The following HMG20B variants were observed in gnomAD, a reference collection of about 807,000 sequenced individuals.
HMG20B encodes the protein SWI/SNF-related matrix-associated actin-dependent regulator of chromatin subfamily E member 1-related.
Under a neutral mutation model 41.6 loss-of-function variants are expected in HMG20B, and 24 were observed. That is an observed-to-expected ratio of 0.58 (90% CI 0.42 to 0.81). HMG20B has a LOEUF of 0.81. Among genes scored for constraint, HMG20B ranks in the 30% least tolerant of loss-of-function variants. HMG20B has a pLI of 0.00. For synonymous variants in HMG20B, 251 were observed against 186.6 expected, an observed-to-expected ratio of 1.34 and a Z score of -2.81; for missense variants, 461 against 444.0, an observed-to-expected ratio of 1.04 and a Z score of -0.34.
At chr19:3,575,133 G>A (rs1272290695) in intron 4 of HMG20B, among the ~76,000 whole-genome samples, 1 of 152,142 alleles carries the variant, frequency 6.6e-6, no homozygotes, top group African/African-American at 2.4e-5. Flanking sequence ...TGCGAAACCC[G>A]ATTTTCATAT....
intron 5 of HMG20B, 70 bp downstream of exon 5, chr19:3,575,730 C>T: frequency 1.5e-6 from 2 of 1,366,318 alleles, no homozygotes; most frequent in East Asian, 2.6e-5. Context: ...GCGGGTGTAT[C>T]ACCTGAGGTC....
At position 3,577,088 on chromosome 19, in the gene HMG20B, C is replaced by A. The variant is rs2032179861; in HGVS notation, c.789C>A (p.Phe263Leu). 9 of 1,537,262 alleles carry A rather than the reference C, an allele frequency of 5.9e-6. No individual in the cohort carries two copies. The highest frequency in any genetic ancestry group is 7.0e-6 in the Non-Finnish European group (8 of 1,144,346). Residue 263 changes from phenylalanine (F) to leucine (L), a missense_variant, in exon 8 of 10, where the codon TTC becomes TTA. Phe to Leu is a conservative substitution (Grantham distance 22, BLOSUM62 0). Around this residue, in one of 3 missense-constraint regions of HMG20B, gnomAD observed 308 missense variants for 283.4 expected, o/e 1.09. Transcript: ENST00000333651. ...QAVRQALTAS[F>L]ASLPVPGTGE... is the part of the protein sequence containing the mutation. ...TGCGCCAGGCGCTCACCGCCAGCTTCGCCTCACTGCCGGTGCCGGGTGCGG... is the reference window on the plus strand; with the variant it reads ...TGCGCCAGGCGCTCACCGCCAGCTTAGCCTCACTGCCGGTGCCGGGTGCGG...
chr19:3,578,077 TC>T lies in HMG20B; in HGVS notation c.906del (p.Ile302MetfsTer142). ...GACCCCGCCCAGCACGAGAAGCTCA[TC>T]GTCCGCATCAAGGAAATCCTGGCCC... is the stretch of plus-strand genomic sequence containing the variant. ...ERDPAQHEKL[I>X]VRIKEILAQV... On this transcript the variant is annotated frameshift_variant, in exon 9 of 10. Transcript: ENST00000333651. LOFTEE classifies it high-confidence loss of function. 3 of 1,611,464 alleles carry T rather than the reference TC, an allele frequency of 1.9e-6. No individual in the cohort carries two copies. The highest frequency in any genetic ancestry group is 2.5e-6 in the Non-Finnish European group (3 of 1,179,436).
At chr19:3,576,375 C>T in intron 6 of HMG20B, 68 bp downstream of exon 6, 2 of 1,525,784 alleles carry the variant, frequency 1.3e-6, no homozygotes, top group African/African-American at 1.4e-5. Flanking sequence ...AACCCTGAGT[C>T]AGAGCCAGTG....
Position 3,576,592 on chromosome 19 carries a change from A to G in HMG20B, c.559A>G (p.Ile187Val). ...CDGFSTFDVP[I>V]FTEEFLDQNK... is the part of the protein sequence containing the mutation. ...TGGCTTCTCCACCTTCGATGTTCCCATCTTCACTGAAGAGTTCTTGGACCA... is the reference window on the plus strand; with the variant it reads ...TGGCTTCTCCACCTTCGATGTTCCCGTCTTCACTGAAGAGTTCTTGGACCA... Residue 187 changes from isoleucine to valine, a missense_variant, in exon 7 of 10, where the codon ATC (isoleucine) becomes GTC (valine). Ile to Val is a conservative substitution (Grantham distance 29). Coordinates refer to ENST00000333651, the MANE Select transcript of HMG20B (RefSeq NM_006339.3). 1 of 1,613,656 alleles carries G rather than the reference A, an allele frequency of 6.2e-7. No homozygotes were observed. The highest frequency in any genetic ancestry group is 8.5e-7 in the Non-Finnish European group (1 of 1,179,776).
intron 4 of HMG20B, 147 bp downstream of exon 4, chr19:3,574,733 T>G (rs138568797): frequency 0.096 from 65,558 of 684,050 alleles, 4,230 homozygotes; most frequent in South Asian, 0.21. Context: ...TTTTTTTTTT[T>G]TGTGAGATGG....
intron 8 of HMG20B, 71 bp downstream of exon 8, chr19:3,577,178 C>T (rs2032185230): frequency 3.6e-6 from 4 of 1,106,172 alleles, no homozygotes; most frequent in African/African-American, 1.7e-5. Flanking sequence ...CCCCTCCTCC[C>T]TTCCCCCCTT....
chr19:3,577,067 C>G lies in HMG20B; in HGVS notation c.768C>G (p.Arg256=), dbSNP rs1289207597. ...TGCAGCAGCAGCTCCAGGCCGTGCG[C>G]CAGGCGCTCACCGCCAGCTTCGCCT... ...LALQQQLQAV[R]QALTASFASL... is the part of the protein sequence containing the mutation. The change falls in exon 8 of 10, where the codon CGC becomes CGG. Residue 256 remains arginine (R), a synonymous_variant. Transcript: ENST00000333651. The G allele has an allele frequency of 7.8e-6, 12 of 1,542,776 alleles. No individual in the cohort carries two copies. The East Asian group carries it at 2.9e-4, about 38-fold the overall frequency.
rs1158002449 is a variant in HMG20B, at chr19:3,574,606, G to T, written c.351+20G>T. ...AAGCAGGTGGGCGGGGCGGGGCGCC[G>T]AGCAGGGCTGGCGGGGTCCACGGAC... On this transcript the variant is annotated intron_variant, in intron 4 of 9. Transcript: ENST00000333651. The T allele has an allele frequency of 6.4e-6, 10 of 1,568,908 alleles. No homozygotes were observed. The highest frequency in any genetic ancestry group is 8.6e-6 in the Non-Finnish European group (10 of 1,160,854).
At chr19:3,574,281 G>A (rs1398846087) in intron 3 of HMG20B, 102 bp from the exon 4 acceptor site, 5 of 292,636 alleles carry the variant, frequency 1.7e-5, no homozygotes, top group Admixed American at 5.0e-5. Flanking sequence ...GCTAGGCCCC[G>A]CCCCCATCCC....
intron 7 of HMG20B, 52 bp from the exon 8 acceptor site, chr19:3,576,840 G>A: frequency 6.5e-7 from 1 of 1,538,548 alleles, no homozygotes; most frequent in Non-Finnish European, 8.8e-7. Flanking sequence ...CAAAAGCCCG[G>A]AGGTAGGGGA....
At chr19:3,573,389 C>G (rs2032083422) in intron 2 of HMG20B, 42 bp downstream of exon 2, 2 of 1,494,106 alleles carry the variant, frequency 1.3e-6, no homozygotes, top group Non-Finnish European at 1.8e-6. Context: ...GCTACTTTCC[C>G]GGCTGCAGCC....
At chr19:3,576,767 G>A in intron 7 of HMG20B, 125 bp from the exon 8 acceptor site, 1 of 1,270,356 alleles carries the variant, frequency 7.9e-7, no homozygotes, top group Admixed American at 2.0e-5. Flanking sequence ...CGCTCCAGAG[G>A]CTGATGTGGA....
In HMG20B at chr19:3,576,307, G is replaced by A. The variant is rs2032160891; in HGVS notation, c.519G>A (p.Lys173=). 1 of 1,599,628 alleles carries A rather than the reference G, an allele frequency of 6.3e-7. No individual in the cohort carries two copies. The highest frequency in any genetic ancestry group is 8.5e-7 in the Non-Finnish European group (1 of 1,172,700). The part of the protein sequence containing the change: ...GLMNTLLNGH[K]GGDCDGFSTF... ...TGAACACTCTCCTGAATGGACACAA[G>A]GTAAGCGACCTTCTTCCTCTCAAAG... The change falls in exon 6 of 10, where the codon AAG becomes AAA. Residue 173 remains lysine, a splice_region_variant and synonymous_variant. Transcript: ENST00000333651.
At position 3,575,573 on chromosome 19, in the gene HMG20B, C is replaced by A; in HGVS notation, c.385C>A (p.Gln129Lys). 1 of 1,560,128 alleles carries A rather than the reference C, an allele frequency of 6.4e-7. No individual in the cohort carries two copies. Among genetic ancestry groups the A allele is most frequent in the Non-Finnish European group, 8.7e-7 (1 of 1,152,360 alleles). ...GGATGAGGCCGAGAGAGAGAAGCAGCAGTACATGAAGGAGCTGCGGGCGTA... is the reference window on the plus strand; with the variant it reads ...GGATGAGGCCGAGAGAGAGAAGCAGAAGTACATGAAGGAGCTGCGGGCGTA... ...YLDEAEREKQ[Q>K]YMKELRAYQQ... is the part of the protein sequence containing the mutation. Residue 129 changes from glutamine to lysine, a missense_variant, in exon 5 of 10, where the codon CAG becomes AAG. Transcript: ENST00000333651.
In HMG20B at chr19:3,577,933, C is replaced by T. The variant is rs1334871984; in HGVS notation, c.809-48C>T. 3 of 1,517,720 alleles carry T rather than the reference C, an allele frequency of 2.0e-6. No homozygotes were observed. In the African/African-American group the frequency reaches 4.1e-5, roughly 21 times the overall value. 94.0% of individuals were successfully genotyped at this position (1,517,720 alleles called of 1,614,324 possible). A position where few individuals can be genotyped will look rare whatever the true frequency, so the allele number is the denominator to read the frequency against. On this transcript the variant is annotated intron_variant, in intron 8 of 9. Coordinates refer to ENST00000333651, the MANE Select transcript of HMG20B (RefSeq NM_006339.3). ...CTACCGCTGCCCCTGGAGCCCCCGC[C>T]CCGCGACTCCCCGGCACCCTCGCCT...
intron 9 of HMG20B, 126 bp from the exon 10 acceptor site, chr19:3,578,383 G>A (rs1261683313): frequency 2.9e-6 from 4 of 1,358,670 alleles, no homozygotes; most frequent in East Asian, 2.5e-5. Context: ...TAGGTTCAAC[G>A]CCTGTCCCCC....
chr19:3,572,985 T>G lies in HMG20B; in HGVS notation c.-28T>G. ...GCGCAGTCGGGAGGTCCGGGAAAGT[T>G]TCTTTGGAGGTGAAAACAGCCGCGG... On this transcript the variant is annotated 5_prime_UTR_variant, in exon 1 of 10. Coordinates refer to ENST00000333651, the MANE Select transcript of HMG20B (RefSeq NM_006339.3). 3.1e-6 allele frequency: 1 copy of G among 322,736 alleles called. No individual in the cohort carries two copies. The highest frequency in any genetic ancestry group is 5.7e-6 in the Non-Finnish European group (1 of 175,170). The allele number at this position is 322,736 out of a possible 1,614,324, so 20.0% of individuals were successfully genotyped here. A position where few individuals can be genotyped will look rare whatever the true frequency, so the allele number is the denominator to read the frequency against.
intron 3 of HMG20B, chr19:3,574,009 T>C (rs1166807857): frequency 1.4e-6 from 1 of 696,890 alleles, no homozygotes; most frequent in African/African-American, 1.8e-5. Flanking sequence ...CAATGCCAGC[T>C]CTGCCCACTC....
Sources: allele counts gnomAD v4.1 joint callset (sites outside exome capture counted in the v4.1 genomes callset), GRCh38; gene constraint gnomAD v4.1.1; regional missense constraint gnomAD v4.1.1; transcripts MANE v1.5; gene names NCBI Gene and HGNC (gene_info 2026-07-23, HGNC 2026-07-21).